CNTNAP5: variants seen among roughly 807,000 people sequenced by gnomAD.
The protein encoded by CNTNAP5 is contactin associated protein family member 5.
CNTNAP5 carries 72 observed loss-of-function variants against 150.2 expected under a neutral mutation model. The observed-to-expected ratio is 0.48, with a 90% CI of 0.40 to 0.58. CNTNAP5 has a LOEUF of 0.58. CNTNAP5 is among the 20% of genes least tolerant of loss of function. The pLI, the probability that CNTNAP5 is intolerant of heterozygous loss-of-function variation, is 0.00. For missense variants in CNTNAP5, 1,636 were observed against 1,626.2 expected (o/e 1.01, Z -0.10); for synonymous variants, 672 against 619.8 (o/e 1.08, Z -1.25).
chr2:124,489,815 A>C (rs999708401), intron 7 of CNTNAP5, among the ~76,000 whole-genome samples: 4 of 152,152 alleles, frequency 2.6e-5, no homozygotes, highest in Admixed American at 6.5e-5. Flanking sequence ...GAAAGGAAGA[A>C]GTGAAGGCAA....
intron 3 of CNTNAP5, among the ~76,000 whole-genome samples, chr2:124,270,536 A>G (rs897129439): frequency 6.6e-6 from 1 of 152,128 alleles, no homozygotes; most frequent in South Asian, 2.1e-4. Context: ...GCATGTTTGG[A>G]GACGGGCCAG....
intron 1 of CNTNAP5, among the ~76,000 whole-genome samples, chr2:124,119,662 C>G (rs1683515001): frequency 6.6e-6 from 1 of 152,136 alleles, no homozygotes; most frequent in South Asian, 2.1e-4. Flanking sequence ...GATCCCACCA[C>G]TTTGAGAGAC....
intron 12 of CNTNAP5, among the ~76,000 whole-genome samples, chr2:124,644,972 A>C (rs983139785): frequency 6.6e-6 from 1 of 152,190 alleles, no homozygotes; most frequent in African/African-American, 2.4e-5. Context: ...ATATATGCTA[A>C]ATGTGCTGGA....
chr2:124,509,108 TC>T (rs1376978402), intron 8 of CNTNAP5, among the ~76,000 whole-genome samples: 1 of 152,222 alleles, frequency 6.6e-6, no homozygotes, highest in African/African-American at 2.4e-5. Context: ...AGAAGGTAAT[TC>T]CTTTGGAAAG....
chr2:124,124,103 CA>C (rs1256119727), intron 1 of CNTNAP5, among the ~76,000 whole-genome samples: 1 of 152,122 alleles, frequency 6.6e-6, no homozygotes, highest in Non-Finnish European at 1.5e-5. Context: ...TTGGTAATAA[CA>C]AACTTCTCTG....
At chr2:124,827,872 T>C (rs868591423) in intron 19 of CNTNAP5, among the ~76,000 whole-genome samples, 1 of 151,976 alleles carries the variant, frequency 6.6e-6, no homozygotes, top group Admixed American at 6.5e-5. Flanking sequence ...CCCACTTCCC[T>C]TGTTGTCTGT....
intron 13 of CNTNAP5, among the ~76,000 whole-genome samples, chr2:124,675,607 A>T (rs1678923538): frequency 6.6e-6 from 1 of 152,144 alleles, no homozygotes; most frequent in African/African-American, 2.4e-5. Flanking sequence ...TTTCAATCGT[A>T]TACAAAAGCT....
chr2:124,651,019 A>G (rs2105031173), intron 13 of CNTNAP5, among the ~76,000 whole-genome samples: 1 of 152,338 alleles, frequency 6.6e-6, no homozygotes, highest in South Asian at 2.1e-4. Flanking sequence ...CAATGCATCA[A>G]GGTTGTACCA....
At chr2:124,025,767 T>A in intron 1 of CNTNAP5, 35 bp downstream of exon 1, 2 of 1,501,502 alleles carry the variant, frequency 1.3e-6, no homozygotes, top group Non-Finnish European at 9.3e-7. Flanking sequence ...GAAGGTGAGG[T>A]GGAAAACGAT....
chr2:124,400,898 G>C (rs1377414220), intron 3 of CNTNAP5, among the ~76,000 whole-genome samples: 1 of 151,524 alleles, frequency 6.6e-6, no homozygotes, highest in Admixed American at 6.6e-5. Flanking sequence ...TTGAGACCGA[G>C]TCTCGCTCTG....
intron 10 of CNTNAP5, among the ~76,000 whole-genome samples, chr2:124,558,003 A>C (rs555865456): frequency 2.0e-5 from 3 of 152,264 alleles, no homozygotes; most frequent in South Asian, 2.1e-4. Flanking sequence ...AAGAACTGGA[A>C]GATCATTTTA....
chr2:124,175,487 T>G lies in CNTNAP5; in HGVS notation c.83-46218T>G, dbSNP rs1274174359. On this transcript the variant is annotated intron_variant, in intron 1 of 23. Transcript: ENST00000682447. ...GATTCATGGGGTACACGTACAAGTT[T>G]GTTACATGGGTATATTGCACGATAC... 2.0e-5 allele frequency among the ~76,000 whole-genome samples: 3 copies of G among 152,178 alleles called. No individual in the cohort carries two copies. In the South Asian group the frequency reaches 6.2e-4, roughly 32 times the overall value.
chr2:124,602,415 C>A (rs1697008115), intron 11 of CNTNAP5, among the ~76,000 whole-genome samples: 1 of 149,572 alleles, frequency 6.7e-6, no homozygotes, highest in African/African-American at 2.5e-5. Context: ...TCAGGCTCAA[C>A]AGTTATCAAT....
intron 21 of CNTNAP5, among the ~76,000 whole-genome samples, chr2:124,875,574 C>T (rs957526419): frequency 2.2e-4 from 34 of 151,834 alleles, no homozygotes; most frequent in Admixed American, 1.3e-4. Context: ...ATTCACAGAG[C>T]TGTGTAAGTA....
chr2:124,407,414 T>C (rs1276963387), intron 3 of CNTNAP5, among the ~76,000 whole-genome samples: 1 of 151,902 alleles, frequency 6.6e-6, no homozygotes, highest in East Asian at 1.9e-4. Context: ...TCCTCTCTTC[T>C]TTCTAAAGGT....
intron 7 of CNTNAP5, among the ~76,000 whole-genome samples, chr2:124,485,727 G>A (rs1414142169): frequency 1.3e-5 from 2 of 151,860 alleles, no homozygotes; most frequent in Non-Finnish European, 2.9e-5. Flanking sequence ...AGAAGCTGAC[G>A]GCTGTGGGGA....
At chr2:124,234,689 A>G (rs182394485) in intron 2 of CNTNAP5, among the ~76,000 whole-genome samples, 94 of 151,802 alleles carry the variant, frequency 6.2e-4, no homozygotes, top group Middle Eastern at 3.4e-3. Context: ...AAACCCCCTC[A>G]CTTCTTTTAT....
chr2:124,041,136 A>G (rs767725435), intron 1 of CNTNAP5, among the ~76,000 whole-genome samples: 1 of 152,208 alleles, frequency 6.6e-6, no homozygotes, highest in Non-Finnish European at 1.5e-5. Flanking sequence ...AATCCAAAAA[A>G]CATCTGAGCA....
At chr2:124,482,254 G>A (rs1178059424) in intron 7 of CNTNAP5, among the ~76,000 whole-genome samples, 1 of 152,134 alleles carries the variant, frequency 6.6e-6, no homozygotes, top group East Asian at 1.9e-4. Context: ...GTCAGTGGAG[G>A]GTTGACTGAT....
Sources: allele counts gnomAD v4.1 joint callset (sites outside exome capture counted in the v4.1 genomes callset), GRCh38; gene constraint gnomAD v4.1.1; transcripts MANE v1.5; gene names NCBI Gene and HGNC (gene_info 2026-07-23, HGNC 2026-07-21).